The following WDPCP variants were observed in gnomAD, a reference collection of about 807,000 sequenced individuals.
WDPCP encodes WD repeat containing planar cell polarity effector.
WDPCP carries 71 observed loss-of-function variants against 93.1 expected under a neutral mutation model. The observed-to-expected ratio is 0.76, with a 90% CI of 0.63 to 0.93. WDPCP has a LOEUF of 0.93. Ranked by LOEUF, WDPCP falls within the 40% of genes least tolerant of loss-of-function variation. The pLI is 0.00. For synonymous variants in WDPCP, 315 were observed against 315.0 expected (o/e 1.00, Z 0.00); for missense variants, 844 against 887.4 (o/e 0.95, Z 0.62).
At chr2:63,795,698 G>A (rs901805357) in intron 2 of WDPCP, among the ~76,000 whole-genome samples, 1 of 152,110 alleles carries the variant, frequency 6.6e-6, no homozygotes, top group Non-Finnish European at 1.5e-5. Context: ...AAGGAAAGAA[G>A]GTCAAGAATC....
chr2:63,331,023 C>A (rs1687940525), intron 12 of WDPCP, among the ~76,000 whole-genome samples: 1 of 151,870 alleles, frequency 6.6e-6, no homozygotes, highest in South Asian at 2.1e-4. Context: ...ATGTGCACAC[C>A]CAGCTAGTTT....
At chr2:63,538,023 A>G (rs1704430360) in intron 1 of WDPCP, among the ~76,000 whole-genome samples, 3 of 152,226 alleles carry the variant, frequency 2.0e-5, no homozygotes, top group African/African-American at 7.2e-5. Flanking sequence ...ATTTGCAATC[A>G]TCTTATAATA....
At chr2:63,251,338 A>T (rs912855653) in intron 14 of WDPCP, among the ~76,000 whole-genome samples, 1 of 152,124 alleles carries the variant, frequency 6.6e-6, no homozygotes. Flanking sequence ...TAATACAAAC[A>T]TCTGAATGCA....
upstream of WDPCP, chr2:63,589,277 T>C: frequency 6.4e-7 from 1 of 1,551,146 alleles, no homozygotes; most frequent in East Asian, 2.4e-5. Context: ...GGAGAAGTAG[T>C]TGTCCTGGGA....
At chr2:63,293,430 C>T (rs1684593632) in intron 13 of WDPCP, among the ~76,000 whole-genome samples, 1 of 151,998 alleles carries the variant, frequency 6.6e-6, no homozygotes, top group Non-Finnish European at 1.5e-5. Flanking sequence ...ATCTGATTCT[C>T]AGTTACCATG....
chr2:63,473,763 G>A (rs1367557583), intron 6 of WDPCP, among the ~76,000 whole-genome samples: 4 of 152,120 alleles, frequency 2.6e-5, no homozygotes, highest in Non-Finnish European at 5.9e-5. Context: ...AAGAGGAAAT[G>A]AGAATAATAA....
At chr2:63,764,063 T>C (rs1168546540) in intron 2 of WDPCP, among the ~76,000 whole-genome samples, 1 of 152,212 alleles carries the variant, frequency 6.6e-6, no homozygotes, top group African/African-American at 2.4e-5. Flanking sequence ...TCACATAAGA[T>C]AAAGTTATTT....
chr2:63,571,943 T>A (rs1340128809), intron 1 of WDPCP, among the ~76,000 whole-genome samples: 1 of 152,182 alleles, frequency 6.6e-6, no homozygotes, highest in Non-Finnish European at 1.5e-5. Flanking sequence ...AGACACATAA[T>A]CATGTACTTG....
At chr2:63,549,015 G>A (rs1705362359) in intron 1 of WDPCP, among the ~76,000 whole-genome samples, 1 of 152,072 alleles carries the variant, frequency 6.6e-6, no homozygotes. Context: ...TTAGGAGGCA[G>A]AGGTGGGTGG....
At position 63,120,050 on chromosome 2, in the gene WDPCP, T is replaced by G. The variant is rs1669469560; in HGVS notation, c.*1956A>C. 6.6e-6 allele frequency among the ~76,000 whole-genome samples: 1 copy of G among 152,212 alleles called. No homozygotes were observed. Among genetic ancestry groups the G allele is most frequent in the Non-Finnish European group, 1.5e-5 (1 of 68,036 alleles). On this transcript the variant is annotated 3_prime_UTR_variant, in exon 18 of 18. Coordinates refer to ENST00000272321, the MANE Select transcript of WDPCP (RefSeq NM_015910.7). ...AACATTTTCATTATTATTATCATTATGTAGAAAAACATAGATGTATCAATA... is the reference window on the plus strand; with the variant it reads ...AACATTTTCATTATTATTATCATTAGGTAGAAAAACATAGATGTATCAATA...
At chr2:63,309,622 A>T (rs1222189750) in intron 13 of WDPCP, among the ~76,000 whole-genome samples, 1 of 152,224 alleles carries the variant, frequency 6.6e-6, no homozygotes, top group African/African-American at 2.4e-5. Flanking sequence ...ACAATAAATC[A>T]ACTAGTTGTA....
intron 9 of WDPCP, among the ~76,000 whole-genome samples, chr2:63,426,141 C>T (rs1696269018): frequency 6.6e-6 from 1 of 152,168 alleles, no homozygotes; most frequent in Non-Finnish European, 1.5e-5. Flanking sequence ...GAGTTCGAGA[C>T]CAGCCTGGCC....
intron 6 of WDPCP, among the ~76,000 whole-genome samples, chr2:63,465,873 T>C (rs938997787): frequency 6.6e-6 from 1 of 152,210 alleles, no homozygotes; most frequent in Non-Finnish European, 1.5e-5. Context: ...TAAACTAACA[T>C]TGAAACTCTG....
rs1700136591 is a variant in WDPCP at position 63,479,273 on chromosome 2, G to C, written c.384+5331C>G. ...TCTATCAGATATTCAAAGAAGAATT[G>C]GTATCAATCCTATTGACACTATTCC... On this transcript the variant is annotated intron_variant, in intron 6 of 17. Transcript: ENST00000272321. Among the ~76,000 whole-genome samples the C allele has an allele frequency of 1.3e-5, 2 of 151,918 alleles. 1 individual carries two copies. The highest frequency in any genetic ancestry group is 1.3e-4 in the Admixed American group (2 of 15,238).
chr2:63,805,947 C>A (rs750095483), intron 2 of WDPCP, among the ~76,000 whole-genome samples: 2 of 152,154 alleles, frequency 1.3e-5, no homozygotes, highest in African/African-American at 2.4e-5. Flanking sequence ...TGGCAAAACC[C>A]CATCTCTACA....
intron 9 of WDPCP, among the ~76,000 whole-genome samples, chr2:63,425,644 A>G (rs2105388351): frequency 6.6e-6 from 1 of 152,372 alleles, no homozygotes; most frequent in East Asian, 1.9e-4. Context: ...CTCAAAGACC[A>G]GTTCAAATCA....
chr2:63,173,281 A>G lies in WDPCP; in HGVS notation c.2078+1389T>C, dbSNP rs565700203. ...GAAACTCTGTCGCAAAAAAAAAAAA[A>G]AAAAGAAAAAATTGTGGAGAGCTTA... On this transcript the variant is annotated intron_variant, in intron 15 of 17. Transcript: ENST00000272321. Among the ~76,000 whole-genome samples, 161 of 151,892 alleles carry G rather than the reference A, an allele frequency of 1.1e-3. No homozygotes were observed. The South Asian group carries it at 0.011, about 11-fold the overall frequency.
At chr2:63,553,531 T>C (rs8179835) in intron 1 of WDPCP, among the ~76,000 whole-genome samples, 40,586 of 152,022 alleles carry the variant, frequency 0.27, 6,299 homozygotes, top group East Asian at 0.71. Context: ...ATTTAAAATA[T>C]CAACATGTCT....
Position 63,337,860 on chromosome 2 carries a change from ATTAAG to A in WDPCP, c.1749-24554_1749-24550del, listed in dbSNP as rs1051587715. On this transcript the variant is annotated intron_variant, in intron 12 of 17. Transcript: ENST00000272321. Reference sequence around the variant, plus strand: ...TAAAAAAAATAGGATTTTTTTTGCTATTAAGTTATTTGAGCTCCTTATATATTCTG... The same window carrying A: ...TAAAAAAAATAGGATTTTTTTTGCTATTATTTGAGCTCCTTATATATTCTG... Among the ~76,000 whole-genome samples, 181 of 152,158 alleles carry A rather than the reference ATTAAG, an allele frequency of 1.2e-3. 2 individuals carry two copies. Among genetic ancestry groups the A allele is most frequent in the African/African-American group, 4.0e-3 (165 of 41,552 alleles).
Sources: gnomAD v4.1 joint callset for allele counts (sites outside exome capture counted in the v4.1 genomes callset) on GRCh38, gnomAD v4.1.1 for gene constraint, MANE v1.5 for transcripts, NCBI Gene and HGNC (gene_info 2026-07-23, HGNC 2026-07-21) for gene names.